PPFIA2: variants seen among roughly 807,000 people sequenced by gnomAD.
PPFIA2 encodes PPFI scaffold protein A2, also known as liprin-alpha-2.
In PPFIA2, 46 loss-of-function variants were observed where a neutral mutation model predicts 175.5. The ratio of observed to expected loss-of-function variants is 0.26; its 90% CI spans 0.21 to 0.34. The LOEUF (loss-of-function observed/expected upper bound fraction) is 0.34. Ranked by LOEUF, PPFIA2 falls within the 10% of genes least tolerant of loss-of-function variation. The pLI, the probability that PPFIA2 is intolerant of heterozygous loss-of-function variation, is 1.00. For synonymous variants in PPFIA2, 568 were observed against 511.4 expected, an observed-to-expected ratio of 1.11 and a Z score of -1.49; for missense variants, 1,179 against 1,506.1, an observed-to-expected ratio of 0.78 and a Z score of 3.60.
At chr12:81,653,250 C>A (rs1003797661) in intron 4 of PPFIA2, among the ~76,000 whole-genome samples, 2 of 152,104 alleles carry the variant, frequency 1.3e-5, no homozygotes, top group Admixed American at 1.3e-4. Flanking sequence ...GGAATAAAAT[C>A]CAGACTCCTA....
intron 4 of PPFIA2, among the ~76,000 whole-genome samples, chr12:81,506,929 C>A (rs146680036): frequency 1.3e-5 from 2 of 152,270 alleles, no homozygotes; most frequent in East Asian, 1.9e-4. Flanking sequence ...TGATCTATAC[C>A]AGCACTTCTT....
chr12:81,345,820 G>C (rs536905084), intron 18 of PPFIA2, among the ~76,000 whole-genome samples: 2 of 152,164 alleles, frequency 1.3e-5, no homozygotes, highest in Admixed American at 6.5e-5. Flanking sequence ...TCAGATGAAT[G>C]GTTCCTAAAT....
chr12:81,642,730 T>C (rs1481953457), intron 4 of PPFIA2, among the ~76,000 whole-genome samples: 220 of 6,326 alleles, frequency 0.035, 76 homozygotes, highest in African/African-American at 0.13. Context: ...TATACATACA[T>C]GTATATGTAT....
At chr12:81,679,571 G>A (rs185363674) in intron 3 of PPFIA2, among the ~76,000 whole-genome samples, 34 of 151,994 alleles carry the variant, frequency 2.2e-4, no homozygotes, top group Admixed American at 1.7e-3. Context: ...TGTAGAAGAT[G>A]AATGAAAAGG....
intron 4 of PPFIA2, among the ~76,000 whole-genome samples, chr12:81,461,210 G>A (rs905674544): frequency 6.6e-6 from 1 of 151,988 alleles, no homozygotes; most frequent in African/African-American, 2.4e-5. Flanking sequence ...CATGCCCCAA[G>A]CTAACCATTT....
At chr12:81,632,895 ATAGGGCTC>A (rs201769328) in intron 4 of PPFIA2, among the ~76,000 whole-genome samples, 1,798 of 152,118 alleles carry the variant, frequency 0.012, 38 homozygotes, top group African/African-American at 0.04. Context: ...TGGCATTCTG[ATAGGGCTC>A]TAGTGTAGTT....
At chr12:81,492,698 G>C (rs553852725) in intron 4 of PPFIA2, among the ~76,000 whole-genome samples, 2 of 152,070 alleles carry the variant, frequency 1.3e-5, no homozygotes, top group Non-Finnish European at 2.9e-5. Flanking sequence ...TAGGACTCAA[G>C]TATGCAGGAC....
chr12:81,475,229 C>G (rs2057325627), intron 4 of PPFIA2, among the ~76,000 whole-genome samples: 1 of 152,020 alleles, frequency 6.6e-6, no homozygotes, highest in South Asian at 2.1e-4. Context: ...TACATAGGGC[C>G]TGAAATAGAG....
chr12:81,492,379 G>A (rs2059516397), intron 4 of PPFIA2, among the ~76,000 whole-genome samples: 1 of 152,080 alleles, frequency 6.6e-6, no homozygotes, highest in South Asian at 2.1e-4. Context: ...TTGCCCCTAG[G>A]GAGCTTACAT....
chr12:81,540,310 G>T lies in PPFIA2; in HGVS notation c.304-82444C>A, dbSNP rs544954874. The stretch of plus-strand genomic sequence containing the variant: ...TCATAAGACTTAGCAATTAAGAATG[G>T]AAAGAGCTATGTTTTATATCAATTC... On this transcript the variant is annotated intron_variant, in intron 4 of 32. Coordinates refer to ENST00000549396, the MANE Select transcript of PPFIA2 (RefSeq NM_003625.5). Among the ~76,000 whole-genome samples, 4 of 152,064 alleles carry T rather than the reference G, an allele frequency of 2.6e-5. No individual in the cohort carries two copies. In the East Asian group the frequency reaches 7.7e-4, roughly 29 times the overall value.
At chr12:81,355,938 C>T (rs1037400121) in intron 16 of PPFIA2, among the ~76,000 whole-genome samples, 5 of 152,168 alleles carry the variant, frequency 3.3e-5, no homozygotes, top group Admixed American at 2.6e-4. Context: ...TTCTTACTTG[C>T]GTGTTGTTTC....
intron 4 of PPFIA2, among the ~76,000 whole-genome samples, chr12:81,485,983 A>G (rs1484531436): frequency 1.3e-5 from 2 of 151,936 alleles, no homozygotes; most frequent in East Asian, 3.9e-4. Context: ...TTCTGAAAGA[A>G]CATTCCTATT....
chr12:81,546,628 G>A (rs933105634), intron 4 of PPFIA2, among the ~76,000 whole-genome samples: 3 of 151,940 alleles, frequency 2.0e-5, no homozygotes, highest in African/African-American at 7.3e-5. Flanking sequence ...GAGATCTTAG[G>A]TATAAGTAAA....
chr12:81,644,850 T>A (rs1001226104), intron 4 of PPFIA2, among the ~76,000 whole-genome samples: 10 of 152,124 alleles, frequency 6.6e-5, no homozygotes, highest in Non-Finnish European at 1.3e-4. Context: ...TACTGAAAAC[T>A]TATTTTCATT....
chr12:81,264,721 A>G (rs1341532767), intron 30 of PPFIA2, among the ~76,000 whole-genome samples: 3 of 152,190 alleles, frequency 2.0e-5, no homozygotes, highest in African/African-American at 7.2e-5. Flanking sequence ...AATCCTTATC[A>G]TCATTAAAAT....
chr12:81,522,408 C>A (rs894536299), intron 4 of PPFIA2, among the ~76,000 whole-genome samples: 49 of 152,066 alleles, frequency 3.2e-4, no homozygotes, highest in African/African-American at 1.1e-3. Context: ...AAAGAATATT[C>A]TTTCTGAAGA....
At chr12:81,589,730 T>G (rs750156282) in intron 4 of PPFIA2, among the ~76,000 whole-genome samples, 6 of 152,136 alleles carry the variant, frequency 3.9e-5, no homozygotes, top group Non-Finnish European at 7.4e-5. Flanking sequence ...CCTCTTTGCG[T>G]TATTAAATGC....
rs567346508 is a variant in PPFIA2, at chr12:81,504,331, C to T, written c.304-46465G>A. ...TCAAACAACCCCATCAAAAAGTGGG[C>T]GAAAGATATGAACAGACACTTCTCA... is the stretch of plus-strand genomic sequence containing the variant. On this transcript the variant is annotated intron_variant, in intron 4 of 32. Transcript: ENST00000549396. Among the ~76,000 whole-genome samples the T allele has an allele frequency of 1.4e-4, 22 of 151,848 alleles. No individual in the cohort carries two copies. The South Asian group carries it at 2.1e-3, about 14-fold the overall frequency.
At chr12:81,743,435 A>C (rs1342605423) in intron 3 of PPFIA2, among the ~76,000 whole-genome samples, 2 of 149,356 alleles carry the variant, frequency 1.3e-5, no homozygotes, top group South Asian at 4.2e-4. Context: ...AAAAAAAAAA[A>C]AAAAAAAAAA....
Sources: allele counts gnomAD v4.1 joint callset (sites outside exome capture counted in the v4.1 genomes callset), GRCh38; gene constraint gnomAD v4.1.1; transcripts MANE v1.5; gene names NCBI Gene and HGNC (gene_info 2026-07-23, HGNC 2026-07-21).